DYDC2: variants seen among roughly 807,000 people sequenced by gnomAD.
DYDC2 encodes the protein DPY30 domain containing 2, also known as DPY30 domain-containing protein 2.
A neutral mutation model predicts 18.7 loss-of-function variants in DYDC2; 19 were observed. The ratio of observed to expected loss-of-function variants is 1.02; its 90% CI spans 0.71 to 1.49. The LOEUF is 1.49. Ranked by LOEUF, DYDC2 falls within the 40% of genes most tolerant of loss-of-function variation. The pLI is 0.00. For synonymous variants in DYDC2, 63 were observed against 67.6 expected, an observed-to-expected ratio of 0.93 and a Z score of 0.34; for missense variants, 179 against 205.1, an observed-to-expected ratio of 0.87 and a Z score of 0.78.
chr10:80,364,360 G>A (rs566943268), intron 4 of DYDC2, among the ~76,000 whole-genome samples: 1 of 152,282 alleles, frequency 6.6e-6, no homozygotes, highest in East Asian at 1.9e-4. Context: ...AGATGGGAGA[G>A]GTGAGGATCA....
At chr10:80,349,172 TGA>T (rs1426237104) in intron 1 of DYDC2, among the ~76,000 whole-genome samples, 2 of 152,354 alleles carry the variant, frequency 1.3e-5, no homozygotes, top group Admixed American at 6.5e-5. Context: ...ATTACAGGCG[TGA>T]GCCACCGCGC....
At chr10:80,356,952 G>T in intron 1 of DYDC2, 127 bp downstream of exon 1, 3 of 711,124 alleles carry the variant, frequency 4.2e-6, no homozygotes, top group Non-Finnish European at 5.2e-6. Flanking sequence ...CGGCAGAGTG[G>T]AGGGGGCGTG....
chr10:80,362,953 T>C lies in DYDC2; in HGVS notation c.150T>C (p.Asn50=), dbSNP rs1437937913. 2 of 1,612,816 alleles carry C rather than the reference T, an allele frequency of 1.2e-6. No individual in the cohort carries two copies. Among genetic ancestry groups the C allele is most frequent in the South Asian group, 2.2e-5 (2 of 90,718 alleles). Residue 50 remains asparagine (N), a splice_region_variant and synonymous_variant, in exon 4 of 5, where the codon AAT becomes AAC. Transcript: ENST00000256039. ...YRKTAKAKEE[N]REKKIHLQEE... is the part of the protein sequence containing the mutation. The stretch of plus-strand genomic sequence containing the variant: ...TTGACTCTGTCACCTCACCCCAGAA[T>C]AGGGAAAAGAAGATCCACCTGCAGG...
At chr10:80,352,021 A>G (rs1462690318), upstream of DYDC2, 1 of 1,610,448 alleles carries the variant, frequency 6.2e-7, no homozygotes, top group Admixed American at 1.7e-5. Context: ...GTTTAAAAAC[A>G]ACAGCACACG....
In DYDC2 at chr10:80,363,068, C is replaced by T; in HGVS notation, c.265C>T (p.His89Tyr). The change falls in exon 4 of 5, where the codon CAC (histidine) becomes TAC (tyrosine). Residue 89 changes from histidine to tyrosine, a missense_variant. Transcript: ENST00000256039. Reference protein sequence around the residue: ...YQIQQNCEKCHKELTSETVST... With the variant: ...YQIQQNCEKCYKELTSETVST... ...GATTCAACAGAACTGTGAAAAGTGT[C>T]ACAAGGTAGGGAGAAGGACTCAGCT... 2 of 1,611,864 alleles carry T rather than the reference C, an allele frequency of 1.2e-6. No homozygotes were observed. Among genetic ancestry groups the T allele is most frequent in the Non-Finnish European group, 1.7e-6 (2 of 1,179,132 alleles).
Position 80,357,917 on chromosome 10 carries a change from C to G in DYDC2, c.-138C>G. The G allele has an allele frequency of 1.0e-6, 1 of 984,798 alleles. No homozygotes were observed. The highest frequency in any genetic ancestry group is 1.2e-6 in the Non-Finnish European group (1 of 829,400). 61.0% of individuals were successfully genotyped at this position (984,798 alleles called of 1,614,324 possible). On this transcript the variant is annotated 5_prime_UTR_variant, in exon 2 of 5. Coordinates refer to ENST00000256039, the MANE Select transcript of DYDC2 (RefSeq NM_032372.6). ...GAGCTCCCAGTGTGCCAAGCGTGGG[C>G]GGTATACAGTAAACAAAGACAACCC...
In DYDC2 at chr10:80,351,571, G is replaced by A. The variant is rs1842976858; in HGVS notation, c.-309-4726G>A. Among the ~76,000 whole-genome samples, 3 of 150,208 alleles carry A rather than the reference G, an allele frequency of 2.0e-5. No homozygotes were observed. The South Asian group carries it at 6.4e-4, about 32-fold the overall frequency. ...TTTCCATTCAGCAATAGATATGGTT[G>A]ACCACTCAGATCTCACCAAAACAGT... On this transcript the variant is annotated intron_variant, in intron 1 of 4. Coordinates refer to the DYDC2 transcript ENST00000372197.
upstream of DYDC2, among the ~76,000 whole-genome samples, chr10:80,354,129 A>AAAAT (rs1554846404): frequency 3.7e-4 from 54 of 147,670 alleles, no homozygotes; most frequent in East Asian, 6.9e-3. Flanking sequence ...TATAAAAAAA[A>AAAAT]ATATATATAT....
upstream of DYDC2, among the ~76,000 whole-genome samples, chr10:80,354,813 T>A (rs1843255652): frequency 6.6e-6 from 1 of 152,188 alleles, no homozygotes; most frequent in South Asian, 2.1e-4. Flanking sequence ...AATGCCTTGA[T>A]TTTAGACTTC....
intron 1 of DYDC2, among the ~76,000 whole-genome samples, chr10:80,346,433 C>G (rs1322202001): frequency 8.2e-6 from 1 of 122,428 alleles, no homozygotes; most frequent in Non-Finnish European, 1.6e-5. Context: ...CAATGTGTGT[C>G]TCTTCCCTTT....
Position 80,362,582 on chromosome 10 carries a change from A to G in DYDC2, c.139A>G (p.Lys47Glu), listed in dbSNP as rs1843696622. 6.2e-7 allele frequency: 1 copy of G among 1,610,740 alleles called. No individual in the cohort carries two copies. The highest frequency in any genetic ancestry group is 1.3e-5 in the African/African-American group (1 of 74,864). ...TCATTACAGGAAAACAGCAAAAGCA[A>G]AAGAAGAGGTGTGTATGTGCACTGG... is the stretch of plus-strand genomic sequence containing the variant. The part of the protein sequence containing the change: ...LYHYRKTAKA[K>E]EENREKKIHL... The change falls in exon 3 of 5, where the codon AAA (lysine) becomes GAA (glutamate). Residue 47 changes from lysine to glutamate, a missense_variant. Coordinates refer to ENST00000256039, the MANE Select transcript of DYDC2 (RefSeq NM_032372.6).
intron 1 of DYDC2, among the ~76,000 whole-genome samples, chr10:80,350,635 G>A (rs1036654393): frequency 2.0e-5 from 3 of 152,220 alleles, no homozygotes; most frequent in Admixed American, 6.5e-5. Flanking sequence ...TAGGAGGTTA[G>A]TCAGAGAAGC....
At chr10:80,363,807 G>T (rs2050824) in intron 4 of DYDC2, among the ~76,000 whole-genome samples, 1 of 152,058 alleles carries the variant, frequency 6.6e-6, no homozygotes, top group Non-Finnish European at 1.5e-5. Flanking sequence ...TTAGTATTTG[G>T]TTTATTATAT....
At chr10:80,352,101 G>A (rs1187255866), upstream of DYDC2, 12 of 1,124,224 alleles carry the variant, frequency 1.1e-5, no homozygotes, top group African/African-American at 4.6e-5. Context: ...TAGGGAAAGT[G>A]TTAAGCAAAT....
intron 4 of DYDC2, among the ~76,000 whole-genome samples, chr10:80,366,127 G>A (rs1010956348): frequency 1.1e-4 from 10 of 87,874 alleles, no homozygotes; most frequent in East Asian, 1.2e-3. Flanking sequence ...CTGCCTCCCC[G>A]GTTCAAGTGA....
chr10:80,347,275 CCTTTT>C (rs1361516334), intron 1 of DYDC2, among the ~76,000 whole-genome samples: 1 of 41,300 alleles, frequency 2.4e-5, no homozygotes, highest in Non-Finnish European at 4.2e-5. Flanking sequence ...TAATTGGGAT[CCTTTT>C]TTTTTTTTTT....
chr10:80,363,511 A>AG (rs35505876), intron 4 of DYDC2, among the ~76,000 whole-genome samples: 69,664 of 140,394 alleles, frequency 0.5, 17,405 homozygotes, highest in East Asian at 0.82. Context: ...CGCCCGGCTA[A>AG]TTTTTTTTTT....
intron 1 of DYDC2, among the ~76,000 whole-genome samples, chr10:80,345,460 TC>T (rs1842555953): frequency 6.6e-6 from 1 of 152,186 alleles, no homozygotes; most frequent in African/African-American, 2.4e-5. Flanking sequence ...TTAAAAATTT[TC>T]CAGTACACAA....
At chr10:80,362,720 G>C in intron 3 of DYDC2, 130 bp downstream of exon 3, 1 of 1,431,044 alleles carries the variant, frequency 7.0e-7, no homozygotes, top group Non-Finnish European at 9.4e-7. Flanking sequence ...CTTAGAGCCA[G>C]ATATCCCTGA....
Sources: gnomAD v4.1 joint callset for allele counts (sites outside exome capture counted in the v4.1 genomes callset) on GRCh38, gnomAD v4.1.1 for gene constraint, MANE v1.5 for transcripts, NCBI Gene and HGNC (gene_info 2026-07-23, HGNC 2026-07-21) for gene names.